The following MBOAT1 variants were observed in gnomAD, a reference collection of about 807,000 sequenced individuals.
MBOAT1 encodes the protein membrane-bound glycerophospholipid O-acyltransferase 1.
MBOAT1 carries 67 observed loss-of-function variants against 64.4 expected under a neutral mutation model. The ratio of observed to expected loss-of-function variants is 1.04; its 90% confidence interval spans 0.85 to 1.27. The LOEUF (loss-of-function observed/expected upper bound fraction) is 1.27. Among genes scored for constraint, MBOAT1 ranks in the 50% most tolerant of loss-of-function variants. The pLI is 0.00. For missense variants in MBOAT1, 563 were observed against 604.6 expected, an observed-to-expected ratio of 0.93 and a Z score of 0.72; for synonymous variants, 229 against 218.9, an observed-to-expected ratio of 1.05 and a Z score of -0.41.
intron 4 of MBOAT1, among the ~76,000 whole-genome samples, chr6:20,142,298 TG>T (rs1254608902): frequency 1.3e-5 from 2 of 152,200 alleles, no homozygotes; most frequent in Non-Finnish European, 2.9e-5. Flanking sequence ...AGCAGGGCTC[TG>T]GGGTGAAACC....
At chr6:20,108,792 A>T (rs1218347424) in intron 12 of MBOAT1, among the ~76,000 whole-genome samples, 1 of 152,236 alleles carries the variant, frequency 6.6e-6, no homozygotes, top group Non-Finnish European at 1.5e-5. Flanking sequence ...CATTTATCTC[A>T]TTAATTCTAA....
chr6:20,136,354 G>T (rs73732812), intron 4 of MBOAT1, among the ~76,000 whole-genome samples: 1 of 151,988 alleles, frequency 6.6e-6, no homozygotes, highest in Admixed American at 6.6e-5. Context: ...ACCAATTCTC[G>T]ATTTGAATAT....
At chr6:20,203,632 C>A (rs918848048) in intron 1 of MBOAT1, among the ~76,000 whole-genome samples, 1 of 152,026 alleles carries the variant, frequency 6.6e-6, no homozygotes, top group Non-Finnish European at 1.5e-5. Flanking sequence ...TTGTGCTAAC[C>A]ATACAAAGAT....
At chr6:20,129,421 T>C (rs1158375214) in intron 5 of MBOAT1, among the ~76,000 whole-genome samples, 1 of 152,188 alleles carries the variant, frequency 6.6e-6, no homozygotes, top group Non-Finnish European at 1.5e-5. Context: ...TGAAGTATTA[T>C]CTTAAAAGCA....
chr6:20,196,860 C>T (rs1762969325), intron 1 of MBOAT1, among the ~76,000 whole-genome samples: 1 of 82,152 alleles, frequency 1.2e-5, no homozygotes, highest in African/African-American at 3.8e-5. Context: ...GAAACTCCAT[C>T]TCAAAAAAAA....
intron 3 of MBOAT1, among the ~76,000 whole-genome samples, chr6:20,146,736 G>A (rs1427682503): frequency 6.6e-6 from 1 of 152,186 alleles, no homozygotes; most frequent in East Asian, 1.9e-4. Flanking sequence ...AAGAAAGAAA[G>A]CAAGTTCAAC....
Position 20,114,900 on chromosome 6 carries a change from AAAT to A in MBOAT1, c.1076+385_1076+387del, listed in dbSNP as rs1342319018. Among the ~76,000 whole-genome samples the A allele has an allele frequency of 1.1e-3, 170 of 148,846 alleles. 1 individual carries two copies. Among genetic ancestry groups the A allele is most frequent in the African/African-American group, 4.2e-3 (167 of 39,954 alleles). On this transcript the variant is annotated intron_variant, in intron 10 of 12. Transcript: ENST00000324607. ...CTCCTTCTCAAAAAAAAAAAAAAAA[AAAT>A]TTAATTCTGAAACCAGACCATTTGA...
At chr6:20,118,312 C>T (rs1197928715) in intron 9 of MBOAT1, 125 bp downstream of exon 9, 3 of 730,272 alleles carry the variant, frequency 4.1e-6, no homozygotes, top group Admixed American at 5.2e-5. Flanking sequence ...GGCTGCTGAG[C>T]CTGGCAATTC....
chr6:20,166,951 G>T (rs945456548), intron 1 of MBOAT1, among the ~76,000 whole-genome samples: 1 of 148,718 alleles, frequency 6.7e-6, no homozygotes, highest in African/African-American at 2.5e-5. Flanking sequence ...ATGAATGAAA[G>T]AAAAGAAAAA....
chr6:20,116,849 G>C (rs1760333087), intron 9 of MBOAT1, among the ~76,000 whole-genome samples: 1 of 152,184 alleles, frequency 6.6e-6, no homozygotes, highest in African/African-American at 2.4e-5. Flanking sequence ...AGGGGGACTA[G>C]TAGGCAGCCG....
At chr6:20,171,733 C>G (rs191031554) in intron 1 of MBOAT1, among the ~76,000 whole-genome samples, 10 of 151,946 alleles carry the variant, frequency 6.6e-5, no homozygotes, top group Non-Finnish European at 1.2e-4. Context: ...CATTTTACAT[C>G]CTTATAGAAG....
intron 1 of MBOAT1, among the ~76,000 whole-genome samples, chr6:20,162,243 A>G (rs111528816): frequency 5.3e-5 from 8 of 152,312 alleles, no homozygotes; most frequent in African/African-American, 1.4e-4. Context: ...ACACTGCCCA[A>G]TAAAAATCCT....
chr6:20,182,746 A>T (rs192438905), intron 1 of MBOAT1, among the ~76,000 whole-genome samples: 2 of 152,234 alleles, frequency 1.3e-5, no homozygotes, highest in Admixed American at 1.3e-4. Context: ...AGAACCATTC[A>T]GGTTGCAGGA....
intron 10 of MBOAT1, 81 bp downstream of exon 10, chr6:20,115,207 G>A: frequency 2.0e-6 from 2 of 998,866 alleles, no homozygotes; most frequent in East Asian, 2.4e-5. Context: ...GCCACAGGCA[G>A]ACTCCCACTG....
At chr6:20,150,443 G>C (rs1761456663) in intron 3 of MBOAT1, among the ~76,000 whole-genome samples, 1 of 151,948 alleles carries the variant, frequency 6.6e-6, no homozygotes, top group Non-Finnish European at 1.5e-5. Flanking sequence ...TGTCACTATA[G>C]ATTAGTTTGC....
intron 1 of MBOAT1, among the ~76,000 whole-genome samples, chr6:20,176,634 A>T (rs1052069817): frequency 6.6e-6 from 1 of 152,112 alleles, no homozygotes; most frequent in Non-Finnish European, 1.5e-5. Context: ...GCTAATTTTT[A>T]ATTTTTTTTG....
intron 1 of MBOAT1, among the ~76,000 whole-genome samples, chr6:20,178,534 T>A (rs1248217494): frequency 6.6e-6 from 1 of 152,236 alleles, no homozygotes; most frequent in African/African-American, 2.4e-5. Context: ...AAGGTTGCTA[T>A]GGCTACCAAG....
chr6:20,120,159 C>T (rs1317768355), intron 8 of MBOAT1, among the ~76,000 whole-genome samples: 4 of 152,080 alleles, frequency 2.6e-5, no homozygotes, highest in East Asian at 3.9e-4. Context: ...TCTACCTCCA[C>T]TCGGCAGCAT....
chr6:20,180,013 C>T (rs1017578147), intron 1 of MBOAT1, among the ~76,000 whole-genome samples: 77 of 152,114 alleles, frequency 5.1e-4, no homozygotes, highest in African/African-American at 1.7e-3. Context: ...CTCACCAGAA[C>T]ATACACAGGT....
Sources: gnomAD v4.1 joint callset for allele counts (sites outside exome capture counted in the v4.1 genomes callset) on GRCh38, gnomAD v4.1.1 for gene constraint, MANE v1.5 for transcripts, NCBI Gene and HGNC (gene_info 2026-07-23, HGNC 2026-07-21) for gene names.